TAOK3: variants seen among roughly 807,000 people sequenced by gnomAD.
The protein encoded by TAOK3 is TAO kinase 3, also known as serine/threonine-protein kinase TAO3.
Under a neutral mutation model 120.4 loss-of-function variants are expected in TAOK3, and 40 were observed. The ratio of observed to expected loss-of-function variants is 0.33; its 90% CI spans 0.26 to 0.43. The LOEUF (loss-of-function observed/expected upper bound fraction) is 0.43, where lower values mean the gene tolerates loss of function less well. Ranked by LOEUF, TAOK3 falls within the 20% of genes least tolerant of loss-of-function variation. The pLI is 1.00. For missense variants in TAOK3, 821 were observed against 1,112.1 expected (o/e 0.74, Z 3.72); for synonymous variants, 355 against 387.5 (o/e 0.92, Z 0.99).
intron 17 of TAOK3, among the ~76,000 whole-genome samples, chr12:118,169,004 T>TTCCTTC (rs1565885916): frequency 2.1e-4 from 25 of 121,726 alleles, no homozygotes; most frequent in African/African-American, 6.6e-4. Context: ...TTCCTTCCTT[T>TTCCTTC]CTTTCTTTCT....
intron 17 of TAOK3, 27 bp downstream of exon 17, chr12:118,172,430 G>A (rs2036052600): frequency 6.2e-7 from 1 of 1,608,348 alleles, no homozygotes; most frequent in African/African-American, 1.3e-5. Context: ...CTATGTCAAT[G>A]ACAATAGTTA....
At chr12:118,332,016 G>T (rs1461959618) in intron 1 of TAOK3, among the ~76,000 whole-genome samples, 1 of 152,040 alleles carries the variant, frequency 6.6e-6, no homozygotes, top group Admixed American at 6.5e-5. Context: ...GTAAAGGAGG[G>T]GTTTCGCCAT....
chr12:118,199,434 T>C (rs1373978218), intron 12 of TAOK3, 177 bp from the exon 13 acceptor site: 1 of 619,140 alleles, frequency 1.6e-6, no homozygotes, highest in African/African-American at 1.8e-5. Flanking sequence ...ATACATCTCA[T>C]ATTTGCTTCC....
In TAOK3 at chr12:118,315,326, T is replaced by C. The variant is rs541915282; in HGVS notation, c.-193-48567A>G. 5.3e-5 allele frequency among the ~76,000 whole-genome samples: 8 copies of C among 152,320 alleles called. No individual in the cohort carries two copies. The South Asian group carries it at 1.7e-3, about 32-fold the overall frequency. On this transcript the variant is annotated intron_variant, in intron 1 of 20. Coordinates refer to ENST00000392533, the MANE Select transcript of TAOK3 (RefSeq NM_016281.4). ...CATGTGATGTAATGCCATGTTGTAG[T>C]TTAAATCAATGAGCTAAATATAAAT... is the stretch of plus-strand genomic sequence containing the variant.
intron 17 of TAOK3, among the ~76,000 whole-genome samples, chr12:118,165,817 A>G (rs1250424065): frequency 1.3e-5 from 2 of 152,386 alleles, no homozygotes; most frequent in East Asian, 3.9e-4. Context: ...ATGGCATATA[A>G]TATCTTAAAT....
At chr12:118,189,730 G>A in intron 14 of TAOK3, 77 bp downstream of exon 14, 1 of 1,566,678 alleles carries the variant, frequency 6.4e-7, no homozygotes, top group Non-Finnish European at 8.8e-7. Context: ...AGCCGAGACA[G>A]GCTCAGGGAG....
At position 118,217,051 on chromosome 12, in the gene TAOK3, A is replaced by T. The variant is rs145062761; in HGVS notation, c.644-2941T>A. On this transcript the variant is annotated intron_variant, in intron 9 of 20. Transcript: ENST00000392533. The stretch of plus-strand genomic sequence containing the variant: ...GTCTCACTTTCTAATTCATAATCTG[A>T]TCTCTAGTTTCATCAGAGCACCTTA... 2.8e-3 allele frequency among the ~76,000 whole-genome samples: 421 copies of T among 152,246 alleles called. 6 individuals carry two copies. The East Asian group carries it at 0.034, about 12-fold the overall frequency.
At chr12:118,157,801 A>T (rs2034945157) in intron 19 of TAOK3, among the ~76,000 whole-genome samples, 1 of 152,232 alleles carries the variant, frequency 6.6e-6, no homozygotes, top group Non-Finnish European at 1.5e-5. Flanking sequence ...ATGGATGAAT[A>T]GATGAATGCA....
chr12:118,302,760 G>C (rs1304595135), intron 1 of TAOK3, among the ~76,000 whole-genome samples: 1 of 152,128 alleles, frequency 6.6e-6, no homozygotes, highest in African/African-American at 2.4e-5. Flanking sequence ...GATAAACTTG[G>C]TATTAAAAAG....
chr12:118,161,953 C>A lies in TAOK3; in HGVS notation c.1974G>T (p.Glu658Asp), dbSNP rs150771877. ...ACGTGTGCAGCTGCCTGTACTCTAG[C>A]TCTCGGGTGGACTCGTCGTGCCGGA... ...MLIRHDESTR[E>D]LEYRQLHTLQ... The change falls in exon 18 of 21, where the codon GAG (glutamate) becomes GAT (aspartate). Residue 658 changes from glutamate (E) to aspartate (D), a missense_variant. By Grantham distance (45) the Glu-to-Asp change is conservative. Coordinates refer to ENST00000392533, the MANE Select transcript of TAOK3 (RefSeq NM_016281.4). The surrounding 1 kb of genome is among the most constrained non-coding windows in gnomAD (Gnocchi z 4.5). 6.2e-7 allele frequency: 1 copy of A among 1,614,188 alleles called. No individual in the cohort carries two copies. Among genetic ancestry groups the A allele is most frequent in the Admixed American group, 1.7e-5 (1 of 60,028 alleles).
chr12:118,163,931 C>T (rs1051364026), intron 17 of TAOK3, among the ~76,000 whole-genome samples: 4 of 151,948 alleles, frequency 2.6e-5, no homozygotes, highest in Admixed American at 1.3e-4. Context: ...AGGCTGGTCT[C>T]GAACTCCCGA....
At chr12:118,334,493 A>G (rs1187620758) in intron 1 of TAOK3, among the ~76,000 whole-genome samples, 2 of 152,176 alleles carry the variant, frequency 1.3e-5, no homozygotes, top group Non-Finnish European at 2.9e-5. Context: ...ACCAGTATAA[A>G]ATTTCAGCTT....
intron 13 of TAOK3, among the ~76,000 whole-genome samples, chr12:118,195,958 G>A (rs181205672): frequency 1.6e-4 from 24 of 152,232 alleles, no homozygotes; most frequent in African/African-American, 5.5e-4. Flanking sequence ...GCTGATGCAG[G>A]AGAATGGCGT....
At chr12:118,183,532 T>G (rs1188215883) in intron 14 of TAOK3, among the ~76,000 whole-genome samples, 1 of 152,204 alleles carries the variant, frequency 6.6e-6, no homozygotes, top group African/African-American at 2.4e-5. Context: ...TCTATTTTAT[T>G]ATCAGAAAAT....
At chr12:118,303,726 C>A (rs757594863) in intron 1 of TAOK3, among the ~76,000 whole-genome samples, 2 of 152,204 alleles carry the variant, frequency 1.3e-5, no homozygotes, top group Non-Finnish European at 2.9e-5. Flanking sequence ...CGGCTCACTG[C>A]AACCTCCACC....
chr12:118,284,386 G>A (rs2042194677), intron 1 of TAOK3, among the ~76,000 whole-genome samples: 1 of 152,112 alleles, frequency 6.6e-6, no homozygotes, highest in Non-Finnish European at 1.5e-5. Context: ...GAGTGTGGAG[G>A]TCAAGAGAAA....
intron 1 of TAOK3, among the ~76,000 whole-genome samples, chr12:118,356,293 T>C (rs894634244): frequency 6.9e-6 from 1 of 143,928 alleles, no homozygotes; most frequent in African/African-American, 2.7e-5. Context: ...TTTGGTCACT[T>C]TCTTTTTTTT....
chr12:118,150,013 G>T lies in TAOK3; in HGVS notation c.*984C>A, dbSNP rs1334267725. The T allele has an allele frequency of 6.6e-6, 1 of 152,000 alleles. No individual in the cohort carries two copies. The highest frequency in any genetic ancestry group is 2.1e-4 in the South Asian group (1 of 4,808). The allele number at this position is 152,000 out of a possible 1,614,324, so 9.4% of individuals were successfully genotyped here. A position where few individuals can be genotyped will look rare whatever the true frequency, so the allele number is the denominator to read the frequency against. On this transcript the variant is annotated 3_prime_UTR_variant, in exon 21 of 21. Transcript: ENST00000392533. The stretch of plus-strand genomic sequence containing the variant: ...ATGACCAAGAAATGGGACTTAGGAA[G>T]GGGAAGGGAGATAAAGAAAAAGATC...
intron 1 of TAOK3, among the ~76,000 whole-genome samples, chr12:118,315,173 C>T (rs2043409457): frequency 6.6e-6 from 1 of 152,108 alleles, no homozygotes; most frequent in Non-Finnish European, 1.5e-5. Context: ...GATCTGCCCG[C>T]CTTGGACTCC....
Sources: allele counts gnomAD v4.1 joint callset (sites outside exome capture counted in the v4.1 genomes callset), GRCh38; gene constraint gnomAD v4.1.1; non-coding constraint Gnocchi (gnomAD v3.1); transcripts MANE v1.5; gene names NCBI Gene and HGNC (gene_info 2026-07-23, HGNC 2026-07-21).